AGMO: variants seen among roughly 807,000 people sequenced by gnomAD.
AGMO encodes the protein alkylglycerol monooxygenase, also known as glyceryl-ether monooxygenase.
Under a neutral mutation model 60.2 loss-of-function variants are expected in AGMO, and 75 were observed. The ratio of observed to expected loss-of-function variants is 1.25; its 90% CI spans 1.03 to 1.51. The LOEUF (loss-of-function observed/expected upper bound fraction) is 1.51. Among genes scored for constraint, AGMO ranks in the 40% most tolerant of loss-of-function variants. The pLI, the probability that AGMO is intolerant of heterozygous loss-of-function variation, is 0.00. For synonymous variants in AGMO, 261 were observed against 177.1 expected (o/e 1.47, Z -3.76); for missense variants, 763 against 525.5 (o/e 1.45, Z -4.42).
In AGMO at chr7:15,493,362, C is replaced by CACTT. The variant is rs71004386; in HGVS notation, c.409+51409_409+51410insAAGT. Among the ~76,000 whole-genome samples the CACTT allele has an allele frequency of 5.9e-5, 6 of 102,264 alleles. 2 individuals carry two copies. Among genetic ancestry groups the CACTT allele is most frequent in the Non-Finnish European group, 1.1e-4 (6 of 54,676 alleles). The allele number at this position is 102,264 out of a possible 152,430, so 67.1% of individuals were successfully genotyped here. On this transcript the variant is annotated intron_variant, in intron 3 of 12. Transcript: ENST00000342526. ...ACACACACACACACACACACACACA[C>CACTT]TTCTTTTTTTTTTTTTTTTTTTTTT...
At chr7:15,551,376 T>A (rs1313079570) in intron 2 of AGMO, among the ~76,000 whole-genome samples, 7 of 149,722 alleles carry the variant, frequency 4.7e-5, no homozygotes, top group Non-Finnish European at 8.9e-5. Flanking sequence ...GGAAGTCAAA[T>A]TGTCCCTGTT....
chr7:15,508,776 A>G (rs962993633), intron 3 of AGMO, among the ~76,000 whole-genome samples: 1 of 152,218 alleles, frequency 6.6e-6, no homozygotes, highest in Admixed American at 6.5e-5. Flanking sequence ...GGGAAAAAAA[A>G]ACCTAACCAT....
At chr7:15,506,189 C>T (rs1783508190) in intron 3 of AGMO, among the ~76,000 whole-genome samples, 1 of 152,038 alleles carries the variant, frequency 6.6e-6, no homozygotes, top group Non-Finnish European at 1.5e-5. Flanking sequence ...CAAAGATACA[C>T]TGAGTAAAGT....
intron 12 of AGMO, chr7:15,358,369 C>T (rs1048040968): frequency 2.1e-5 from 10 of 467,794 alleles, no homozygotes; most frequent in East Asian, 1.4e-4. Context: ...GCTGCCCAGA[C>T]GAGATGATAA....
At chr7:15,557,515 TCC>T (rs372717553) in intron 2 of AGMO, among the ~76,000 whole-genome samples, 119 of 152,090 alleles carry the variant, frequency 7.8e-4, no homozygotes, top group African/African-American at 2.8e-3. Context: ...GTCAAATTCT[TCC>T]TTTTTTTTTC....
downstream of AGMO, among the ~76,000 whole-genome samples, chr7:15,199,542 A>G (rs565986543): frequency 7.9e-4 from 120 of 152,312 alleles, no homozygotes; most frequent in African/African-American, 2.7e-3. Flanking sequence ...TGTAAAGATT[A>G]GCAAAAAGTC....
intron 5 of AGMO, among the ~76,000 whole-genome samples, chr7:15,412,752 A>G (rs758125478): frequency 1.4e-3 from 211 of 151,902 alleles, no homozygotes; most frequent in Non-Finnish European, 8.2e-4. Flanking sequence ...GATAAGGAAT[A>G]TGCCCTAAGG....
intron 10 of AGMO, among the ~76,000 whole-genome samples, chr7:15,382,306 T>C (rs893082243): frequency 6.6e-6 from 1 of 152,222 alleles, no homozygotes; most frequent in Middle Eastern, 3.2e-3. Flanking sequence ...CCCATTTCTT[T>C]TGTACTAATA....
At chr7:15,483,479 T>C (rs1025029253) in intron 3 of AGMO, among the ~76,000 whole-genome samples, 3 of 152,094 alleles carry the variant, frequency 2.0e-5, no homozygotes, top group African/African-American at 7.2e-5. Context: ...GGCAGGAGAA[T>C]GGCGTGAACC....
At chr7:15,248,205 T>TATATATATAC in intron 12 of AGMO, among the ~76,000 whole-genome samples, 1 of 96,712 alleles carries the variant, frequency 1.0e-5, no homozygotes, top group South Asian at 3.2e-4. Flanking sequence ...TATATATATA[T>TATATATATAC]ATATATATAT....
chr7:15,428,184 G>C (rs982615216), intron 4 of AGMO, among the ~76,000 whole-genome samples: 6 of 152,038 alleles, frequency 3.9e-5, no homozygotes, highest in African/African-American at 1.4e-4. Context: ...GAAGAGACCT[G>C]AAGTGTGCCC....
At chr7:15,381,502 G>A (rs778156697) in intron 10 of AGMO, among the ~76,000 whole-genome samples, 1 of 151,988 alleles carries the variant, frequency 6.6e-6, no homozygotes, top group Non-Finnish European at 1.5e-5. Context: ...GTCAGACTGG[G>A]TATTATTAAA....
chr7:15,472,073 G>A (rs1176094865), intron 3 of AGMO, among the ~76,000 whole-genome samples: 4 of 151,762 alleles, frequency 2.6e-5, no homozygotes, highest in African/African-American at 4.8e-5. Flanking sequence ...TGATGAAAAC[G>A]TTTTGAAAGG....
intron 12 of AGMO, among the ~76,000 whole-genome samples, chr7:15,352,105 C>T (rs1782263008): frequency 6.6e-6 from 1 of 152,180 alleles, no homozygotes; most frequent in African/African-American, 2.4e-5. Flanking sequence ...TACCATTAAG[C>T]TATAGCAAGA....
the AGMO span, among the ~76,000 whole-genome samples, chr7:15,192,378 A>C: frequency 1.5e-3 from 231 of 152,158 alleles, 2 homozygotes; most frequent in African/African-American, 5.4e-3. Context: ...GCATCTGAAC[A>C]CTGAGAGGAG....
At chr7:15,476,292 G>C (rs1311072416) in intron 3 of AGMO, among the ~76,000 whole-genome samples, 2 of 152,010 alleles carry the variant, frequency 1.3e-5, no homozygotes, top group East Asian at 1.9e-4. Flanking sequence ...ATTTCTGTGA[G>C]GTCACTTTAA....
chr7:15,402,660 A>T (rs1223370507), intron 5 of AGMO, among the ~76,000 whole-genome samples: 1 of 147,810 alleles, frequency 6.8e-6, no homozygotes, highest in African/African-American at 2.5e-5. Flanking sequence ...ACCTTATTAA[A>T]TATATACAAA....
chr7:15,233,558 T>C (rs558208215), intron 12 of AGMO, among the ~76,000 whole-genome samples: 3 of 151,812 alleles, frequency 2.0e-5, no homozygotes, highest in South Asian at 2.1e-4. Flanking sequence ...TTGTTTTTTT[T>C]TTTCCCCCCT....
intron 12 of AGMO, among the ~76,000 whole-genome samples, chr7:15,312,415 T>G (rs762945051): frequency 2.0e-5 from 3 of 151,624 alleles, no homozygotes; most frequent in Non-Finnish European, 4.4e-5. Flanking sequence ...TTTAAGTAAT[T>G]GAGTGTTAGA....
Sources: allele counts gnomAD v4.1 joint callset (sites outside exome capture counted in the v4.1 genomes callset), GRCh38; gene constraint gnomAD v4.1.1; transcripts MANE v1.5; gene names NCBI Gene and HGNC (gene_info 2026-07-23, HGNC 2026-07-21).